The following SUGCT variants were observed in gnomAD, a reference collection of about 807,000 sequenced individuals.
The protein encoded by SUGCT is succinyl-CoA:glutarate-CoA transferase.
A neutral mutation model predicts 55.0 loss-of-function variants in SUGCT; 41 were observed. The observed-to-expected ratio is 0.74, with a 90% CI of 0.58 to 0.97. The LOEUF (loss-of-function observed/expected upper bound fraction) is 0.97, where lower values mean the gene tolerates loss of function less well. Ranked by LOEUF, SUGCT falls within the 50% of genes least tolerant of loss-of-function variation. The probability of loss-of-function intolerance (pLI) is 0.00; values close to 1 mark genes in which losing one functional copy is unlikely to be tolerated. For synonymous variants in SUGCT, 187 were observed against 200.4 expected, an observed-to-expected ratio of 0.93 and a Z score of 0.56; for missense variants, 568 against 547.8, an observed-to-expected ratio of 1.04 and a Z score of -0.37.
At chr7:40,645,024 C>T (rs138765783) in intron 12 of SUGCT, among the ~76,000 whole-genome samples, 180 of 152,290 alleles carry the variant, frequency 1.2e-3, no homozygotes, top group Non-Finnish European at 1.5e-3. Context: ...CTGCCCGCTG[C>T]AGGCCTTTTA....
intron 12 of SUGCT, among the ~76,000 whole-genome samples, chr7:40,629,722 T>C (rs542631840): frequency 6.6e-6 from 1 of 152,330 alleles, no homozygotes; most frequent in South Asian, 2.1e-4. Context: ...CAGGTTTATG[T>C]ATTAAGAAAT....
At chr7:40,692,935 C>T (rs775744259) in intron 12 of SUGCT, among the ~76,000 whole-genome samples, 1 of 152,086 alleles carries the variant, frequency 6.6e-6, no homozygotes, top group African/African-American at 2.4e-5. Flanking sequence ...GGAAAATGAC[C>T]TGTTTAAGGG....
chr7:40,921,712 C>T, the SUGCT span, among the ~76,000 whole-genome samples: 1 of 152,178 alleles, frequency 6.6e-6, no homozygotes, highest in Non-Finnish European at 1.5e-5. Flanking sequence ...AAGCTACCAA[C>T]CCCCGGGGGT....
intron 12 of SUGCT, among the ~76,000 whole-genome samples, chr7:40,661,072 C>A (rs1801279373): frequency 6.6e-6 from 1 of 152,152 alleles, no homozygotes; most frequent in African/African-American, 2.4e-5. Flanking sequence ...AAATTTACAA[C>A]CAAAAGTGTG....
At chr7:40,236,201 G>C (rs984139120) in intron 6 of SUGCT, among the ~76,000 whole-genome samples, 3 of 151,970 alleles carry the variant, frequency 2.0e-5, no homozygotes, top group African/African-American at 7.3e-5. Flanking sequence ...GGGATTACAG[G>C]CGCCTACCAC....
At chr7:40,891,117 G>T in the SUGCT span, among the ~76,000 whole-genome samples, 1 of 149,846 alleles carries the variant, frequency 6.7e-6, no homozygotes, top group Non-Finnish European at 1.5e-5. Flanking sequence ...CCAAGTAGAG[G>T]AAAAAAAAAG....
chr7:40,492,305 G>C (rs1381563476), intron 11 of SUGCT, among the ~76,000 whole-genome samples: 3 of 152,046 alleles, frequency 2.0e-5, no homozygotes, highest in Non-Finnish European at 4.4e-5. Flanking sequence ...ACTTGTTTTT[G>C]TTATTGATAA....
At chr7:40,857,115 T>C (rs10268023) in intron 13 of SUGCT, among the ~76,000 whole-genome samples, 1 of 152,156 alleles carries the variant, frequency 6.6e-6, no homozygotes, top group South Asian at 2.1e-4. Flanking sequence ...GGAACATAGA[T>C]GTTAGTTTGC....
At chr7:40,943,856 C>T in the SUGCT span, among the ~76,000 whole-genome samples, 1 of 151,820 alleles carries the variant, frequency 6.6e-6, no homozygotes, top group Non-Finnish European at 1.5e-5. Flanking sequence ...AATCACCACA[C>T]TGACTTCCAC....
chr7:40,617,462 T>C (rs907277927), intron 12 of SUGCT, among the ~76,000 whole-genome samples: 1 of 148,806 alleles, frequency 6.7e-6, no homozygotes, highest in African/African-American at 2.5e-5. Context: ...CTGATTCAAC[T>C]GGTTAGATTT....
At chr7:40,908,847 A>G in the SUGCT span, among the ~76,000 whole-genome samples, 1 of 152,166 alleles carries the variant, frequency 6.6e-6, no homozygotes, top group Non-Finnish European at 1.5e-5. Context: ...AAATACAACA[A>G]CTTACAAAGT....
intron 3 of SUGCT, among the ~76,000 whole-genome samples, chr7:40,184,169 C>A (rs1785368714): frequency 6.6e-6 from 1 of 152,134 alleles, no homozygotes; most frequent in African/African-American, 2.4e-5. Flanking sequence ...GAGCCACACT[C>A]CATCTCAAAA....
chr7:40,945,417 G>A, the SUGCT span, among the ~76,000 whole-genome samples: 1 of 152,160 alleles, frequency 6.6e-6, no homozygotes, highest in Non-Finnish European at 1.5e-5. Context: ...TGAACCTGGA[G>A]GGCACTCCTC....
At chr7:40,447,510 G>C (rs1393249560) in intron 9 of SUGCT, among the ~76,000 whole-genome samples, 1 of 152,062 alleles carries the variant, frequency 6.6e-6, no homozygotes, top group Non-Finnish European at 1.5e-5. Flanking sequence ...CGATGACAGA[G>C]GTCACTAGAA....
At chr7:40,720,289 T>C (rs2128683587) in intron 12 of SUGCT, among the ~76,000 whole-genome samples, 1 of 152,268 alleles carries the variant, frequency 6.6e-6, no homozygotes, top group Non-Finnish European at 1.5e-5. Context: ...ACGTAAATGT[T>C]AAGAGGTACA....
intron 9 of SUGCT, among the ~76,000 whole-genome samples, chr7:40,318,808 C>A (rs1430636699): frequency 3.3e-5 from 5 of 152,298 alleles, no homozygotes; most frequent in Admixed American, 1.3e-4. Flanking sequence ...AATTCCAAAT[C>A]CCATCACATA....
chr7:40,603,715 T>G (rs1255334591), intron 12 of SUGCT, among the ~76,000 whole-genome samples: 1 of 152,168 alleles, frequency 6.6e-6, no homozygotes, highest in Non-Finnish European at 1.5e-5. Context: ...CCCTTCTTAT[T>G]TGGTATGTCC....
chr7:40,271,716 A>G (rs1424868270), intron 7 of SUGCT, among the ~76,000 whole-genome samples: 2 of 152,062 alleles, frequency 1.3e-5, no homozygotes, highest in Non-Finnish European at 2.9e-5. Flanking sequence ...CTATTTTGAA[A>G]TGTACAGCCT....
chr7:40,462,508 G>T (rs537015818), intron 11 of SUGCT, among the ~76,000 whole-genome samples: 1 of 152,134 alleles, frequency 6.6e-6, no homozygotes, highest in African/African-American at 2.4e-5. Context: ...AACTTGAAGA[G>T]AGAGCGTCAA....
Sources: gnomAD v4.1 joint callset for allele counts (sites outside exome capture counted in the v4.1 genomes callset) on GRCh38, gnomAD v4.1.1 for gene constraint, MANE v1.5 for transcripts, NCBI Gene and HGNC (gene_info 2026-07-23, HGNC 2026-07-21) for gene names.